Variants in AFF1 observed in about 807,000 individuals in gnomAD.
AFF1 encodes the protein ALF transcription elongation factor 1.
Under a neutral mutation model 121.7 loss-of-function variants are expected in AFF1, and 48 were observed. The ratio of observed to expected loss-of-function variants is 0.39; its 90% CI spans 0.31 to 0.50. The LOEUF is 0.50. Among genes scored for constraint, AFF1 ranks in the 20% least tolerant of loss-of-function variants. AFF1 has a pLI of 0.76. For synonymous variants in AFF1, 613 were observed against 563.0 expected (o/e 1.09, Z -1.26); for missense variants, 1,523 against 1,511.7 (o/e 1.01, Z -0.12).
intron 11 of AFF1, among the ~76,000 whole-genome samples, chr4:87,113,326 T>TAAGCTGGAGTGCACATGGCTCAC: frequency 6.6e-6 from 1 of 152,084 alleles, no homozygotes; most frequent in Non-Finnish European, 1.5e-5. Context: ...CTCTGTCACC[T>TAAGCTGGAGTGCACATGGCTCAC]AAGCTGGAGT....
chr4:87,018,528 T>C (rs543265243), intron 2 of AFF1, among the ~76,000 whole-genome samples: 98 of 152,276 alleles, frequency 6.4e-4, no homozygotes, highest in Non-Finnish European at 1.2e-3. Context: ...AAGGATGGCT[T>C]TTTTTGAGAC....
chr4:87,106,971 A>G (rs1296069210), intron 10 of AFF1, among the ~76,000 whole-genome samples: 1 of 152,192 alleles, frequency 6.6e-6, no homozygotes, highest in African/African-American at 2.4e-5. Flanking sequence ...AAGGTAGCCT[A>G]ACTTCTAAAA....
intron 2 of AFF1, among the ~76,000 whole-genome samples, chr4:87,002,110 T>A (rs532588847): frequency 2.6e-5 from 4 of 151,900 alleles, no homozygotes; most frequent in Admixed American, 6.5e-5. Context: ...TTTCCTTTTT[T>A]TTTTTTTTTC....
intron 2 of AFF1, among the ~76,000 whole-genome samples, chr4:86,995,543 A>T (rs972770290): frequency 6.3e-4 from 96 of 152,008 alleles, no homozygotes; most frequent in African/African-American, 2.2e-3. Context: ...CCAGCTCCTA[A>T]CCTCGAGTGA....
intron 12 of AFF1, among the ~76,000 whole-genome samples, chr4:87,115,624 T>TTTTTTTTTTC (rs1296528780): frequency 2.2e-5 from 3 of 138,792 alleles, no homozygotes; most frequent in Non-Finnish European, 4.7e-5. Context: ...TTTTTTTTTT[T>TTTTTTTTTTC]TCCAAAGACA....
In AFF1 at chr4:87,136,982, A is replaced by C. The variant is rs896668592; in HGVS notation, c.*1281A>C. 4.5e-6 allele frequency: 1 copy of C among 221,234 alleles called. No individual in the cohort carries two copies. Among genetic ancestry groups the C allele is most frequent in the African/African-American group, 2.2e-5 (1 of 44,666 alleles). 13.7% of individuals were successfully genotyped at this position (221,234 alleles called of 1,614,324 possible). Reference sequence around the variant, plus strand: ...TGAGGAGGAACTGTGGCCCTCCGTAAGTTATTGCCATAGTGTATGCATTAA... The same window carrying C: ...TGAGGAGGAACTGTGGCCCTCCGTACGTTATTGCCATAGTGTATGCATTAA... On this transcript the variant is annotated 3_prime_UTR_variant, in exon 21 of 21. Coordinates refer to ENST00000395146, the MANE Select transcript of AFF1 (RefSeq NM_001166693.3).
chr4:87,050,360 A>G (rs1405125988), intron 4 of AFF1, among the ~76,000 whole-genome samples: 1 of 151,924 alleles, frequency 6.6e-6, no homozygotes, highest in Non-Finnish European at 1.5e-5. Context: ...GGTTTGTTTC[A>G]TTTCTCCCCT....
At chr4:87,126,391 G>C in intron 14 of AFF1, 55 bp downstream of exon 14, 3 of 1,531,788 alleles carry the variant, frequency 2.0e-6, no homozygotes, top group Non-Finnish European at 2.7e-6. Flanking sequence ...GTACCTTTAC[G>C]TTCCCAAAGA....
At chr4:86,962,138 ATTG>A (rs932876622) in intron 2 of AFF1, among the ~76,000 whole-genome samples, 1 of 125,786 alleles carries the variant, frequency 8.0e-6, no homozygotes, top group Non-Finnish European at 1.6e-5. Context: ...TGGAAAAGTT[ATTG>A]TTTCTTTTTT....
intron 4 of AFF1, among the ~76,000 whole-genome samples, chr4:87,051,999 C>T (rs556388529): frequency 1.3e-5 from 2 of 152,214 alleles, no homozygotes; most frequent in South Asian, 2.1e-4. Context: ...AAATGGTGGT[C>T]AGCACAGGAC....
chr4:86,955,147 G>A (rs895843836), intron 2 of AFF1, among the ~76,000 whole-genome samples: 1 of 151,830 alleles, frequency 6.6e-6, no homozygotes, highest in Non-Finnish European at 1.5e-5. Context: ...ATGATTATTT[G>A]TGCCCTTGCA....
At chr4:87,077,885 C>T (rs998453513) in intron 4 of AFF1, among the ~76,000 whole-genome samples, 1 of 152,098 alleles carries the variant, frequency 6.6e-6, no homozygotes, top group African/African-American at 2.4e-5. Context: ...TAGTCAGTTA[C>T]CTGTAGATAC....
chr4:86,974,411 G>C (rs1052897665), intron 2 of AFF1, among the ~76,000 whole-genome samples: 12 of 152,188 alleles, frequency 7.9e-5, no homozygotes, highest in Non-Finnish European at 1.3e-4. Context: ...GTCTCCCAAA[G>C]TGCTGGGATT....
chr4:86,981,652 G>A (rs1432250851), intron 2 of AFF1, among the ~76,000 whole-genome samples: 2 of 152,184 alleles, frequency 1.3e-5, no homozygotes, highest in East Asian at 1.9e-4. Context: ...TTACAGGTAT[G>A]AGCCAGGACC....
rs946031866 is a variant in AFF1, at chr4:87,138,377, C to CT, written c.*2678dup. ...AAAGGGCTAGATTATAAAATTAAGC[C>CT]TTAGAGTATGGAAAGTTCTTATAAC... On this transcript the variant is annotated 3_prime_UTR_variant, in exon 21 of 21. Transcript: ENST00000395146. The CT allele has an allele frequency of 1.3e-4, 31 of 231,970 alleles. No individual in the cohort carries two copies. Among genetic ancestry groups the CT allele is most frequent in the Middle Eastern group, 1.3e-3 (1 of 776 alleles). The allele number at this position is 231,970 out of a possible 1,614,324, so 14.4% of individuals were successfully genotyped here.
At chr4:86,989,256 C>G (rs1724519756) in intron 2 of AFF1, among the ~76,000 whole-genome samples, 1 of 152,154 alleles carries the variant, frequency 6.6e-6, no homozygotes, top group African/African-American at 2.4e-5. Flanking sequence ...AGGCAGTCTG[C>G]AGAATGGGAG....
At chr4:86,945,938 T>G (rs1299135092) in intron 1 of AFF1, among the ~76,000 whole-genome samples, 2 of 152,194 alleles carry the variant, frequency 1.3e-5, no homozygotes, top group South Asian at 2.1e-4. Flanking sequence ...ATTCCAAACT[T>G]TGTGTGTATG....
intron 2 of AFF1, among the ~76,000 whole-genome samples, chr4:87,015,154 T>C (rs1252090113): frequency 3.3e-5 from 5 of 152,226 alleles, no homozygotes; most frequent in African/African-American, 1.2e-4. Flanking sequence ...TAAAGCTCTG[T>C]CCTTTTATAT....
At chr4:86,950,160 T>A in intron 2 of AFF1, 1 of 1,428,474 alleles carries the variant, frequency 7.0e-7, no homozygotes, top group Non-Finnish European at 9.9e-7. Context: ...AGGCAGATGC[T>A]GCCCATGTCT....
Sources: gnomAD v4.1 joint callset for allele counts (sites outside exome capture counted in the v4.1 genomes callset) on GRCh38, gnomAD v4.1.1 for gene constraint, MANE v1.5 for transcripts, NCBI Gene and HGNC (gene_info 2026-07-23, HGNC 2026-07-21) for gene names.